CACNA2D3: variants seen among roughly 807,000 people sequenced by gnomAD.
CACNA2D3 encodes voltage-dependent calcium channel subunit alpha-2/delta-3.
Under a neutral mutation model 160.6 loss-of-function variants are expected in CACNA2D3, and 60 were observed. The observed-to-expected ratio is 0.37, with a 90% CI of 0.30 to 0.46. CACNA2D3 has a LOEUF of 0.46. Among genes scored for constraint, CACNA2D3 ranks in the 20% least tolerant of loss-of-function variants. CACNA2D3 has a pLI of 1.00. For synonymous variants in CACNA2D3, 558 were observed against 492.9 expected (o/e 1.13, Z -1.75); for missense variants, 1,205 against 1,365.0 (o/e 0.88, Z 1.85).
At chr3:54,902,003 G>C (rs754767246) in intron 27 of CACNA2D3, among the ~76,000 whole-genome samples, 3 of 152,166 alleles carry the variant, frequency 2.0e-5, no homozygotes, top group Non-Finnish European at 4.4e-5. Flanking sequence ...AAATTAAAAA[G>C]GCCATTTTAA....
chr3:54,148,671 T>G (rs1026163459), intron 2 of CACNA2D3, among the ~76,000 whole-genome samples: 1 of 152,100 alleles, frequency 6.6e-6, no homozygotes, highest in Admixed American at 6.5e-5. Flanking sequence ...TCTGACCAGT[T>G]TTATGCCTTA....
chr3:54,602,983 C>G (rs893422844), intron 9 of CACNA2D3, among the ~76,000 whole-genome samples: 3 of 152,164 alleles, frequency 2.0e-5, no homozygotes, highest in Non-Finnish European at 4.4e-5. Flanking sequence ...AGTGCAGTGT[C>G]TGCTGTTGTT....
At chr3:54,879,831 C>A (rs987027609) in intron 20 of CACNA2D3, among the ~76,000 whole-genome samples, 3 of 152,198 alleles carry the variant, frequency 2.0e-5, no homozygotes, top group Non-Finnish European at 4.4e-5. Flanking sequence ...GCCTCTGTTT[C>A]CATTTCTCTG....
At chr3:54,890,181 T>C (rs538547367) in intron 24 of CACNA2D3, among the ~76,000 whole-genome samples, 63 of 152,308 alleles carry the variant, frequency 4.1e-4, no homozygotes, top group Non-Finnish European at 7.4e-4. Flanking sequence ...GTTCTCTTCA[T>C]ACATTTATTG....
chr3:54,487,476 G>T (rs1235167827), intron 4 of CACNA2D3, among the ~76,000 whole-genome samples: 2 of 152,212 alleles, frequency 1.3e-5, no homozygotes, highest in Non-Finnish European at 2.9e-5. Context: ...CTGGAGTGGA[G>T]ACTTCTGCTC....
At chr3:54,287,189 C>T (rs1170037198) in intron 2 of CACNA2D3, among the ~76,000 whole-genome samples, 7 of 151,986 alleles carry the variant, frequency 4.6e-5, no homozygotes, top group East Asian at 1.9e-4. Flanking sequence ...ACCCATCTCA[C>T]GTGCAGAGAC....
intron 3 of CACNA2D3, among the ~76,000 whole-genome samples, chr3:54,350,971 T>TTG (rs1698544907): frequency 1.4e-5 from 1 of 70,040 alleles, no homozygotes; most frequent in Non-Finnish European, 2.8e-5. Flanking sequence ...TGAGTCTGTT[T>TTG]TTTTTTTTTT....
At chr3:54,437,116 C>T (rs1407579087) in intron 4 of CACNA2D3, among the ~76,000 whole-genome samples, 1 of 152,142 alleles carries the variant, frequency 6.6e-6, no homozygotes, top group Non-Finnish European at 1.5e-5. Context: ...CATGGTAATA[C>T]ACTTGTATTC....
chr3:54,353,681 G>T lies in CACNA2D3; in HGVS notation c.322-33034G>T, dbSNP rs554262453. On this transcript the variant is annotated intron_variant, in intron 3 of 37. Coordinates refer to ENST00000474759, the MANE Select transcript of CACNA2D3 (RefSeq NM_018398.3). ...GCTCTGCATCCTGAAATGACCTTGTGGAAGCATTCCCTTGTCTCCCTGTGG... is the reference window on the plus strand; with the variant it reads ...GCTCTGCATCCTGAAATGACCTTGTTGAAGCATTCCCTTGTCTCCCTGTGG... Among the ~76,000 whole-genome samples, 9 of 152,264 alleles carry T rather than the reference G, an allele frequency of 5.9e-5. 1 individual carries two copies. The highest frequency in any genetic ancestry group is 2.2e-4 in the African/African-American group (9 of 41,552).
rs1491160047 is a variant in CACNA2D3, at chr3:54,822,790, C to CTTTCCTTTCTTT, written c.1398+5920_1398+5921insTTTCCTTTCTTT. ...TCTTTCTTTCTTTCTTTCTTTCTTTCCTTTCTTTCTTTCTTTCTTTCTTTC... is the reference window on the plus strand; with the variant it reads ...TCTTTCTTTCTTTCTTTCTTTCTTTCTTTCCTTTCTTTCTTTCTTTCTTTCTTTCTTTCTTTC... On this transcript the variant is annotated intron_variant, in intron 14 of 37. Transcript: ENST00000474759. Among the ~76,000 whole-genome samples, 169 of 71,740 alleles carry CTTTCCTTTCTTT rather than the reference C, an allele frequency of 2.4e-3. 2 individuals are homozygous for CTTTCCTTTCTTT. Among genetic ancestry groups the CTTTCCTTTCTTT allele is most frequent in the Non-Finnish European group, 2.7e-3 (100 of 37,270 alleles). The allele number at this position is 71,740 out of a possible 152,430, so 47.1% of individuals were successfully genotyped here. A position where few individuals can be genotyped will look rare whatever the true frequency, so the allele number is the denominator to read the frequency against.
At chr3:54,869,661 C>T (rs1301694518) in intron 17 of CACNA2D3, among the ~76,000 whole-genome samples, 1 of 152,150 alleles carries the variant, frequency 6.6e-6, no homozygotes, top group African/African-American at 2.4e-5. Flanking sequence ...TCTTAGGTAA[C>T]AGAGGTCCAG....
intron 13 of CACNA2D3, among the ~76,000 whole-genome samples, chr3:54,793,261 A>AC (rs979112982): frequency 1.3e-5 from 2 of 152,352 alleles, no homozygotes; most frequent in African/African-American, 4.8e-5. Flanking sequence ...TTGGTTTACC[A>AC]CCCGATATCT....
chr3:54,153,930 C>A (rs982153612), intron 2 of CACNA2D3, among the ~76,000 whole-genome samples: 1 of 152,150 alleles, frequency 6.6e-6, no homozygotes, highest in African/African-American at 2.4e-5. Flanking sequence ...CCCTTCAGAG[C>A]GTCCATTTTG....
chr3:54,803,122 G>GA (rs1349774853), intron 13 of CACNA2D3, among the ~76,000 whole-genome samples: 10 of 152,102 alleles, frequency 6.6e-5, no homozygotes, highest in Non-Finnish European at 1.2e-4. Flanking sequence ...AAACAGAGCA[G>GA]AAAAAAAGGA....
intron 15 of CACNA2D3, 54 bp downstream of exon 15, chr3:54,837,284 A>T: frequency 7.4e-7 from 1 of 1,347,274 alleles, no homozygotes; most frequent in Non-Finnish European, 1.1e-6. Flanking sequence ...GTTTTCTCAG[A>T]CCCCCTCTGA....
chr3:54,311,722 T>C (rs1204578329), intron 2 of CACNA2D3, among the ~76,000 whole-genome samples: 2 of 152,190 alleles, frequency 1.3e-5, no homozygotes, highest in Non-Finnish European at 2.9e-5. Context: ...AAAATAAGCC[T>C]CCTTTTACCC....
At chr3:54,859,663 A>G (rs890219128) in intron 17 of CACNA2D3, among the ~76,000 whole-genome samples, 3 of 151,974 alleles carry the variant, frequency 2.0e-5, no homozygotes, top group African/African-American at 7.3e-5. Context: ...TGGCTTGGCC[A>G]CTTCTGTGTG....
chr3:54,571,804 C>T (rs1374084693), intron 8 of CACNA2D3, among the ~76,000 whole-genome samples: 1 of 152,178 alleles, frequency 6.6e-6, no homozygotes, highest in Non-Finnish European at 1.5e-5. Flanking sequence ...CCATTCACCA[C>T]ATATGCTGTG....
intron 4 of CACNA2D3, among the ~76,000 whole-genome samples, chr3:54,417,899 A>G (rs957185103): frequency 1.3e-5 from 2 of 151,900 alleles, no homozygotes; most frequent in Non-Finnish European, 2.9e-5. Flanking sequence ...TGATCCTCCC[A>G]TCTCAGCCTC....
Sources: allele counts gnomAD v4.1 joint callset (sites outside exome capture counted in the v4.1 genomes callset), GRCh38; gene constraint gnomAD v4.1.1; transcripts MANE v1.5; gene names NCBI Gene and HGNC (gene_info 2026-07-23, HGNC 2026-07-21).